Variants in SFI1 observed in about 807,000 individuals in gnomAD.
SFI1 encodes the protein SFI1 centrin binding protein, also known as protein SFI1 homolog.
In SFI1, 195 loss-of-function variants were observed where a neutral mutation model predicts 207.5. The ratio of observed to expected loss-of-function variants is 0.94; its 90% confidence interval spans 0.84 to 1.06. The LOEUF (loss-of-function observed/expected upper bound fraction) is 1.06. Among genes scored for constraint, SFI1 ranks in the 50% least tolerant of loss-of-function variants. The pLI is 0.00. For synonymous variants in SFI1, 630 were observed against 598.9 expected (o/e 1.05, Z -0.76); for missense variants, 1,634 against 1,588.0 (o/e 1.03, Z -0.49).
At position 31,618,328 on chromosome 22, in the gene SFI1, C is replaced by A; in HGVS notation, c.3639C>A (p.Ile1213=). The A allele has an allele frequency of 1.2e-6, 2 of 1,610,086 alleles. No homozygotes were observed. Among genetic ancestry groups the A allele is most frequent in the Non-Finnish European group, 1.7e-6 (2 of 1,177,468 alleles). ...QKELEQVEMQ[I]QLLAEELQAQ... is the part of the protein sequence containing the mutation. ...CATGGCCCCAGGTGGAAATGCAGATCCAGCTGCTGGCAGAGGAGCTCCAGG... is the reference window on the plus strand; with the variant it reads ...CATGGCCCCAGGTGGAAATGCAGATACAGCTGCTGGCAGAGGAGCTCCAGG... The change falls in exon 33 of 33, where the codon ATC becomes ATA. Residue 1213 remains isoleucine, a synonymous_variant. Transcript: ENST00000400288.
At chr22:31,515,320 C>CGTGT (rs3068283) in intron 2 of SFI1, among the ~76,000 whole-genome samples, 94 of 150,272 alleles carry the variant, frequency 6.3e-4, no homozygotes, top group African/African-American at 2.0e-3. Context: ...TCTCATTGTT[C>CGTGT]GTGTGTGTGT....
rs151041360 is a variant in SFI1 at position 31,514,583 on chromosome 22, C to T, written c.92+6207C>T. 3.6e-4 allele frequency among the ~76,000 whole-genome samples: 54 copies of T among 150,888 alleles called. 1 individual carries two copies. The East Asian group carries it at 0.01, about 28-fold the overall frequency. On this transcript the variant is annotated intron_variant, in intron 2 of 32. Coordinates refer to ENST00000400288, the MANE Select transcript of SFI1 (RefSeq NM_001007467.3). ...AGGCTTTGTGTCCTTTGATTACCAT[C>T]TTCCCAATTCTCCCTACTCCTAGCC...
chr22:31,618,281 C>T (rs746681292), intron 32 of SFI1, 33 bp from the exon 33 acceptor site: 11 of 1,604,446 alleles, frequency 6.9e-6, no homozygotes, highest in Non-Finnish European at 6.8e-6. Flanking sequence ...GCTGTGCTCC[C>T]TCTCAGCCCT....
At chr22:31,556,549 C>T (rs1034811707) in intron 6 of SFI1, among the ~76,000 whole-genome samples, 1 of 152,130 alleles carries the variant, frequency 6.6e-6, no homozygotes, top group Non-Finnish European at 1.5e-5. Flanking sequence ...AATAATGAAC[C>T]TCCATGTATC....
At chr22:31,568,746 G>A (rs1274616292) in intron 8 of SFI1, among the ~76,000 whole-genome samples, 3 of 151,878 alleles carry the variant, frequency 2.0e-5, no homozygotes, top group African/African-American at 7.3e-5. Flanking sequence ...TGTGTCAGAA[G>A]GACTCAGGAA....
At chr22:31,617,776 T>C (rs561052699) in intron 31 of SFI1, among the ~76,000 whole-genome samples, 1 of 150,110 alleles carries the variant, frequency 6.7e-6, no homozygotes, top group African/African-American at 2.4e-5. Flanking sequence ...CACTCAGTGG[T>C]CTGGGGACCA....
intron 2 of SFI1, among the ~76,000 whole-genome samples, chr22:31,515,934 C>T (rs2056431854): frequency 6.6e-6 from 1 of 151,850 alleles, no homozygotes; most frequent in South Asian, 2.1e-4. Flanking sequence ...GACGGAGTTT[C>T]ACCATGTTGG....
intron 6 of SFI1, among the ~76,000 whole-genome samples, chr22:31,552,289 G>A (rs1408515110): frequency 1.3e-5 from 2 of 152,090 alleles, no homozygotes; most frequent in African/African-American, 4.8e-5. Flanking sequence ...GTCTCACTCT[G>A]TCACCCAGGC....
At position 31,598,716 on chromosome 22, in the gene SFI1, C is replaced by CTTTTTTTTTTTTTTTTTT. The variant is rs71184513; in HGVS notation, c.1545-3490_1545-3473dup. Among the ~76,000 whole-genome samples the CTTTTTTTTTTTTTTTTTT allele has an allele frequency of 4.8e-4, 13 of 26,888 alleles. 3 individuals are homozygous for CTTTTTTTTTTTTTTTTTT. The highest frequency in any genetic ancestry group is 2.3e-3 in the South Asian group (1 of 426). The allele number at this position is 26,888 out of a possible 152,430, so 17.6% of individuals were successfully genotyped here. A position where few individuals can be genotyped will look rare whatever the true frequency, so the allele number is the denominator to read the frequency against. On this transcript the variant is annotated intron_variant, in intron 15 of 32. Transcript: ENST00000400288. ...ACAGGCATAAGCCACTGCGCCTGGC[C>CTTTTTTTTTTTTTTTTTT]TTTTTTTTTTTTTTTTTTTTTTTGA...
chr22:31,609,733 C>A (rs1416539894), intron 22 of SFI1, among the ~76,000 whole-genome samples: 1 of 152,234 alleles, frequency 6.6e-6, no homozygotes, highest in Non-Finnish European at 1.5e-5. Context: ...TGGAGCTTCT[C>A]CTCAGCTCAG....
At chr22:31,558,979 G>C (rs2061423841) in intron 7 of SFI1, among the ~76,000 whole-genome samples, 1 of 151,868 alleles carries the variant, frequency 6.6e-6, no homozygotes, top group Non-Finnish European at 1.5e-5. Flanking sequence ...CTAATTTTTT[G>C]TATTTTTAGT....
chr22:31,610,988 A>G (rs967391248), intron 22 of SFI1, among the ~76,000 whole-genome samples, 155 bp from the exon 23 acceptor site: 1 of 152,158 alleles, frequency 6.6e-6, no homozygotes, highest in Admixed American at 6.5e-5. Context: ...GTCCCTAGAG[A>G]GGGGCCATGG....
chr22:31,531,269 T>C, intron 4 of SFI1, 140 bp downstream of exon 4: 1 of 633,846 alleles, frequency 1.6e-6, no homozygotes. Context: ...CAGTCCCTAA[T>C]ATAACCATGT....
intron 2 of SFI1, among the ~76,000 whole-genome samples, chr22:31,514,406 G>T (rs1210294621): frequency 6.6e-6 from 1 of 150,840 alleles, no homozygotes; most frequent in East Asian, 2.0e-4. Context: ...TACTTGGGAG[G>T]CTGAGGCAGG....
chr22:31,546,628 CTTT>C (rs1023474233), intron 4 of SFI1, among the ~76,000 whole-genome samples: 1 of 120,222 alleles, frequency 8.3e-6, no homozygotes. Context: ...CCGATGTTTA[CTTT>C]TTTTTTTTTT....
chr22:31,582,695 A>G (rs1030936510), intron 12 of SFI1, among the ~76,000 whole-genome samples: 1 of 152,084 alleles, frequency 6.6e-6, no homozygotes. Context: ...TCATCTTGCA[A>G]AATTGAAACT....
At chr22:31,615,363 A>G (rs2071242355) in intron 29 of SFI1, 84 bp downstream of exon 29, 1 of 1,275,776 alleles carries the variant, frequency 7.8e-7, no homozygotes, top group Non-Finnish European at 1.0e-6. Flanking sequence ...CAGCTGTACT[A>G]GTTTCTGGAA....
At chr22:31,611,861 C>T (rs748136149) in intron 24 of SFI1, 21 bp downstream of exon 24, 3 of 1,613,086 alleles carry the variant, frequency 1.9e-6, no homozygotes, top group Non-Finnish European at 2.5e-6. Flanking sequence ...AGGAGATGTC[C>T]CCTCTGCACT....
At chr22:31,547,462 C>T (rs1486111875) in intron 5 of SFI1, among the ~76,000 whole-genome samples, 1 of 152,134 alleles carries the variant, frequency 6.6e-6, no homozygotes, top group Non-Finnish European at 1.5e-5. Flanking sequence ...AGGCATGTGC[C>T]ATCACGCCTG....
Sources: allele counts gnomAD v4.1 joint callset (sites outside exome capture counted in the v4.1 genomes callset), GRCh38; gene constraint gnomAD v4.1.1; transcripts MANE v1.5; gene names NCBI Gene and HGNC (gene_info 2026-07-23, HGNC 2026-07-21).